Variants in NAIP observed in about 807,000 individuals in gnomAD.
NAIP encodes the protein baculoviral IAP repeat-containing protein 1.
NAIP carries 15 observed loss-of-function variants against 23.0 expected under a neutral mutation model. The ratio of observed to expected loss-of-function variants is 0.65; its 90% CI spans 0.44 to 1.00. The LOEUF (loss-of-function observed/expected upper bound fraction) is 1.00, where lower values mean the gene tolerates loss of function less well. Among genes scored for constraint, NAIP ranks in the 50% least tolerant of loss-of-function variants. The pLI is 0.00. For missense variants in NAIP, 265 were observed against 278.8 expected (o/e 0.95, Z 0.35); for synonymous variants, 100 against 100.2 (o/e 1.00, Z 0.01).
At chr5:71,010,364 G>A (rs897935346) in intron 5 of NAIP, among the ~76,000 whole-genome samples, 2 of 151,472 alleles carry the variant, frequency 1.3e-5, no homozygotes. Context: ...TGCCTCCCGG[G>A]TTCACACCAT....
At position 71,010,435 on chromosome 5, in the gene NAIP, A is replaced by T. The variant is rs955821667; in HGVS notation, c.668+840T>A. Among the ~76,000 whole-genome samples the T allele has an allele frequency of 5.3e-5, 8 of 151,424 alleles. 1 individual carries two copies. Among genetic ancestry groups the T allele is most frequent in the Non-Finnish European group, 1.0e-4 (7 of 67,802 alleles). On this transcript the variant is annotated intron_variant, in intron 5 of 16. Transcript: ENST00000517649. ...AGGCACCCGCCACCGTTCCCGGCTA[A>T]TTTTTTGTATTTTTAGTAGAGACAT...
intron 13 of NAIP, among the ~76,000 whole-genome samples, chr5:70,977,342 TAA>T (rs1417407973): frequency 2.0e-5 from 3 of 147,182 alleles, no homozygotes; most frequent in Non-Finnish European, 4.4e-5. Context: ...CTAATAACTC[TAA>T]GTTTGTACAT....
rs1449258146 is a variant in NAIP, at chr5:71,012,770, A to G, written c.146T>C (p.Met49Thr). 1 of 1,611,874 alleles carries G rather than the reference A, an allele frequency of 6.2e-7. No homozygotes were observed. Among genetic ancestry groups the G allele is most frequent in the Non-Finnish European group, 8.5e-7 (1 of 1,178,494 alleles). ...EEEEQKERAK[M>T]QKGYNSQMRS... ...CATTTGAGAGTTGTAGCCTTTCTGC[A>G]TTTTTGCTCGCTCCTTCTGCTCCTC... Residue 49 changes from methionine to threonine, a missense_variant, in exon 4 of 17, where the codon ATG becomes ACG. By Grantham distance (81) the Met-to-Thr change is moderately conservative. Transcript: ENST00000517649.
intron 5 of NAIP, among the ~76,000 whole-genome samples, 193 bp downstream of exon 5, chr5:71,011,082 C>T (rs1039529796): frequency 2.0e-5 from 3 of 150,848 alleles, no homozygotes; most frequent in Non-Finnish European, 4.4e-5. Context: ...AAAATACAAA[C>T]ATTAGCCCAT....
In NAIP at chr5:71,011,683, C is replaced by G. The variant is rs926025157; in HGVS notation, c.569-309G>C. On this transcript the variant is annotated intron_variant, in intron 4 of 16. Coordinates refer to ENST00000517649, the MANE Select transcript of NAIP (RefSeq NM_004536.3). ...GGAAGCCGACTAACACCAGGACCAGCTGAAGTAACGTGCAATTAGAAAACC... is the reference window on the plus strand; with the variant it reads ...GGAAGCCGACTAACACCAGGACCAGGTGAAGTAACGTGCAATTAGAAAACC... 17 of 473,782 alleles carry G rather than the reference C, an allele frequency of 3.6e-5. 1 individual carries two copies. The highest frequency in any genetic ancestry group is 3.5e-4 in the Admixed American group (11 of 31,206). The allele number at this position is 473,782 out of a possible 1,614,324, so 29.3% of individuals were successfully genotyped here.
rs1404173505 is a variant in NAIP, at chr5:71,012,720, T to A, written c.196A>T (p.Thr66Ser). ...QMRSEAKRLKTFVTYEPYSSW... is the reference protein window; with the variant it reads ...QMRSEAKRLKSFVTYEPYSSW... ...CTGTACGGCTCATAAGTCACAAAAG[T>A]CTTTAACCTTTTTGCTTCACTGCGC... Residue 66 changes from threonine to serine, a missense_variant, in exon 4 of 17, where the codon ACT (threonine) becomes TCT (serine). Around this residue, in one of 2 missense-constraint regions of NAIP, gnomAD observed 261 missense variants for 259.2 expected, o/e 1.01. Transcript: ENST00000517649. The A allele has an allele frequency of 1.2e-6, 2 of 1,611,594 alleles. No homozygotes were observed. Among genetic ancestry groups the A allele is most frequent in the African/African-American group, 2.7e-5 (2 of 74,652 alleles).
chr5:71,009,161 G>T (rs1055967571), intron 5 of NAIP, among the ~76,000 whole-genome samples: 1 of 149,176 alleles, frequency 6.7e-6, no homozygotes, highest in Non-Finnish European at 1.5e-5. Flanking sequence ...GACCAGCCTG[G>T]GCAACAAAGT....
chr5:71,013,039 T>C lies in NAIP; in HGVS notation c.-3-121A>G. On this transcript the variant is annotated intron_variant, in intron 3 of 16. Coordinates refer to ENST00000517649, the MANE Select transcript of NAIP (RefSeq NM_004536.3). ...ATGCCTGGAATTTCAACACAAAAGA[T>C]AAATTGTTGGAAAATTATGAAACAT... is the stretch of plus-strand genomic sequence containing the variant. The C allele has an allele frequency of 3.2e-6, 3 of 941,026 alleles. 1 individual carries two copies. The highest frequency in any genetic ancestry group is 4.6e-6 in the Non-Finnish European group (3 of 648,008). 58.3% of individuals were successfully genotyped at this position (941,026 alleles called of 1,614,324 possible). A position where few individuals can be genotyped will look rare whatever the true frequency, so the allele number is the denominator to read the frequency against.
intron 5 of NAIP, among the ~76,000 whole-genome samples, chr5:71,009,449 G>A (rs1751042755): frequency 1.3e-5 from 2 of 150,890 alleles, no homozygotes; most frequent in African/African-American, 2.4e-5. Context: ...CTAGCACTTT[G>A]GGAATCCAAG....
At chr5:71,002,399 G>GTTT in intron 6 of NAIP, among the ~76,000 whole-genome samples, 1 of 37,486 alleles carries the variant, frequency 2.7e-5, no homozygotes, top group South Asian at 8.8e-4. Context: ...GATGTTGGAG[G>GTTT]TCTTTTTTTT....
intron 3 of NAIP, among the ~76,000 whole-genome samples, chr5:71,017,878 G>A (rs1231009194): frequency 1.5e-5 from 2 of 131,236 alleles, no homozygotes; most frequent in Admixed American, 1.5e-4. Context: ...TAGGAGACAA[G>A]GGCTCACTCT....
chr5:71,007,267 C>T (rs1750913945), intron 5 of NAIP, among the ~76,000 whole-genome samples: 1 of 83,868 alleles, frequency 1.2e-5, no homozygotes, highest in Non-Finnish European at 2.4e-5. Flanking sequence ...TGTTTTGATT[C>T]GTCAGGGAGC....
chr5:71,012,581 A>G lies in NAIP; in HGVS notation c.335T>C (p.Leu112Pro). 3 of 1,611,788 alleles carry G rather than the reference A, an allele frequency of 1.9e-6. No homozygotes were observed. Among genetic ancestry groups the G allele is most frequent in the Non-Finnish European group, 2.5e-6 (3 of 1,178,464 alleles). ...AAACCTCTTGTGGTCTTCTATGGGG[A>G]GTCTCGTGAGGCCGGCACCAAAGAG... ...LILFGAGLTR[L>P]PIEDHKRFHP... The change falls in exon 4 of 17, where the codon CTC becomes CCC. Residue 112 changes from leucine to proline, a missense_variant. By Grantham distance (98) the Leu-to-Pro change is moderately conservative. This residue lies in a region of NAIP where 261 missense variants were observed against 259.2 expected (regional missense o/e 1.01). Coordinates refer to ENST00000517649, the MANE Select transcript of NAIP (RefSeq NM_004536.3).
At chr5:71,009,844 T>A (rs1445667429) in intron 5 of NAIP, among the ~76,000 whole-genome samples, 1 of 151,550 alleles carries the variant, frequency 6.6e-6, no homozygotes, top group Non-Finnish European at 1.5e-5. Context: ...GTTAAAGGAA[T>A]GAATCTGTAC....
intron 16 of NAIP, among the ~76,000 whole-genome samples, chr5:70,972,735 C>T (rs895578281): frequency 3.6e-5 from 2 of 55,260 alleles, no homozygotes; most frequent in Non-Finnish European, 7.9e-5. Flanking sequence ...GATTGAAGTT[C>T]TAAGGAAGGC....
At chr5:70,978,144 TATA>T (rs1316583192) in intron 13 of NAIP, among the ~76,000 whole-genome samples, 16 of 45,626 alleles carry the variant, frequency 3.5e-4, no homozygotes, top group East Asian at 1.1e-3. Context: ...TATATATATA[TATA>T]TATTTTTTTT....
chr5:70,996,792 C>CAAA (rs1222506915), intron 9 of NAIP, among the ~76,000 whole-genome samples: 5 of 64,530 alleles, frequency 7.7e-5, no homozygotes, highest in African/African-American at 2.2e-4. Flanking sequence ...GACTCCATCT[C>CAAA]AAAAAAAAAA....
rs563990159 is a variant in NAIP, at chr5:71,017,539, C to G, written c.-4+3120G>C. ...ATTGCTTGAGCCCAGGAATTTGAAA[C>G]CAGCCTGGGCAACAAAGTGAGATGG... On this transcript the variant is annotated intron_variant, in intron 3 of 16. Coordinates refer to ENST00000517649, the MANE Select transcript of NAIP (RefSeq NM_004536.3). Among the ~76,000 whole-genome samples the G allele has an allele frequency of 3.4e-4, 37 of 107,952 alleles. 2 individuals carry two copies. In the South Asian group the frequency reaches 0.011, roughly 33 times the overall value. The allele number at this position is 107,952 out of a possible 152,430, so 70.8% of individuals were successfully genotyped here. A position where few individuals can be genotyped will look rare whatever the true frequency, so the allele number is the denominator to read the frequency against.
At chr5:71,009,664 C>A (rs942870554) in intron 5 of NAIP, among the ~76,000 whole-genome samples, 1 of 151,218 alleles carries the variant, frequency 6.6e-6, no homozygotes, top group Non-Finnish European at 1.5e-5. Flanking sequence ...GGCAACAGGG[C>A]GAGACTCTGT....
Sources: allele counts gnomAD v4.1 joint callset (sites outside exome capture counted in the v4.1 genomes callset), GRCh38; gene constraint gnomAD v4.1.1; regional missense constraint gnomAD v4.1.1; transcripts MANE v1.5; gene names NCBI Gene and HGNC (gene_info 2026-07-23, HGNC 2026-07-21).